Variants in ANKRD17 observed in about 807,000 individuals in gnomAD.
ANKRD17 encodes the protein ankyrin repeat domain 17, also known as ankyrin repeat domain-containing protein 17.
In ANKRD17, 19 loss-of-function variants were observed where a neutral mutation model predicts 229.7. That is an observed-to-expected ratio of 0.08 (90% CI 0.06 to 0.12). ANKRD17 has a LOEUF of 0.12. ANKRD17 is among the 10% of genes least tolerant of loss of function. The pLI is 1.00. For missense variants in ANKRD17, 2,176 were observed against 3,176.8 expected (o/e 0.68, Z 7.57); for synonymous variants, 1,112 against 1,146.1 (o/e 0.97, Z 0.60).
chr4:73,140,173 A>G lies in ANKRD17; in HGVS notation c.2443T>C (p.Leu815=), dbSNP rs1438924596. The G allele has an allele frequency of 3.1e-6, 5 of 1,613,888 alleles. No homozygotes were observed. In the African/African-American group the frequency reaches 6.7e-5, roughly 22 times the overall value. Reference sequence around the variant, plus strand: ...TTTATCCTCTGTTCCAGTTCTGTTAACTTTCCCTGAGCCTCTTCTACAATG... The same window carrying G: ...TTTATCCTCTGTTCCAGTTCTGTTAGCTTTCCCTGAGCCTCTTCTACAATG... ...ESIVEEAQGK[L]TELEQRIKEA... Residue 815 remains leucine (L), a synonymous_variant, in exon 15 of 34, where the codon TTA becomes CTA. Transcript: ENST00000358602.
chr4:73,080,280 C>T (rs1002753278), intron 30 of ANKRD17, among the ~76,000 whole-genome samples: 1 of 152,114 alleles, frequency 6.6e-6, no homozygotes, highest in Non-Finnish European at 1.5e-5. Flanking sequence ...AGACCTATAG[C>T]ATTCCTGTTG....
chr4:73,078,100 G>A (rs889685401), intron 31 of ANKRD17, among the ~76,000 whole-genome samples: 12 of 151,918 alleles, frequency 7.9e-5, no homozygotes, highest in African/African-American at 2.2e-4. Context: ...AAATACAGGC[G>A]GGGCACAGTG....
chr4:73,119,726 A>G (rs1726459205), intron 21 of ANKRD17, among the ~76,000 whole-genome samples: 1 of 152,238 alleles, frequency 6.6e-6, no homozygotes, highest in African/African-American at 2.4e-5. Context: ...CGTGACTGAA[A>G]GTAGAAAGTA....
intron 15 of ANKRD17, among the ~76,000 whole-genome samples, chr4:73,138,897 A>C (rs1729252700): frequency 6.6e-6 from 1 of 152,168 alleles, no homozygotes; most frequent in Non-Finnish European, 1.5e-5. Context: ...ATCTAAAAAT[A>C]TATCATTTAT....
intron 5 of ANKRD17, 48 bp from the exon 6 acceptor site, chr4:73,154,161 ATAAAT>A (rs753186371): frequency 8.9e-6 from 12 of 1,354,818 alleles, no homozygotes; most frequent in South Asian, 5.0e-5. Flanking sequence ...AAATACCAAA[ATAAAT>A]TAAAGTGCTA....
At chr4:73,228,962 G>A (rs943568771) in intron 1 of ANKRD17, among the ~76,000 whole-genome samples, 1 of 152,200 alleles carries the variant, frequency 6.6e-6, no homozygotes, top group African/African-American at 2.4e-5. Context: ...CATAAAAAAG[G>A]ATGAGTTCAT....
chr4:73,097,999 C>G, intron 26 of ANKRD17, 74 bp downstream of exon 26: 1 of 1,420,248 alleles, frequency 7.0e-7, no homozygotes, highest in Non-Finnish European at 9.5e-7. Flanking sequence ...AATTTACTTT[C>G]TTTACCAACA....
intron 1 of ANKRD17, among the ~76,000 whole-genome samples, chr4:73,182,235 T>G (rs1015015434): frequency 2.0e-5 from 3 of 152,038 alleles, no homozygotes; most frequent in Non-Finnish European, 4.4e-5. Flanking sequence ...ACAACTGGCC[T>G]TTTTTAAAAG....
intron 16 of ANKRD17, among the ~76,000 whole-genome samples, chr4:73,134,697 AGAT>A (rs1440631220): frequency 2.0e-5 from 3 of 152,226 alleles, no homozygotes; most frequent in Non-Finnish European, 4.4e-5. Flanking sequence ...GAATTTTCAA[AGAT>A]GATATATGAT....
At chr4:73,254,186 C>G (rs1413375085) in intron 1 of ANKRD17, among the ~76,000 whole-genome samples, 1 of 152,186 alleles carries the variant, frequency 6.6e-6, no homozygotes, top group African/African-American at 2.4e-5. Context: ...CCAAATGAAG[C>G]TGAACACAGC....
chr4:73,097,950 T>A, intron 26 of ANKRD17, 123 bp downstream of exon 26: 2 of 819,572 alleles, frequency 2.4e-6, no homozygotes, highest in South Asian at 2.0e-5. Flanking sequence ...AAACAGTACC[T>A]TCTTTAGCAC....
chr4:73,158,152 A>AAAAGAAAGAAAGAAAGACAGAAAG (rs1731961747), intron 3 of ANKRD17, among the ~76,000 whole-genome samples: 1 of 128,708 alleles, frequency 7.8e-6, no homozygotes, highest in South Asian at 2.8e-4. Flanking sequence ...GAAAGGAAGA[A>AAAAGAAAGAAAGAAAGACAGAAAG]AAAGAAAGAA....
In ANKRD17 at chr4:73,258,349, C is replaced by A; in HGVS notation, c.320G>T (p.Gly107Val). 1 of 1,612,268 alleles carries A rather than the reference C, an allele frequency of 6.2e-7. No individual in the cohort carries two copies. Among genetic ancestry groups the A allele is most frequent in the Non-Finnish European group, 8.5e-7 (1 of 1,179,466 alleles). Reference sequence around the variant, plus strand: ...GTTGTTACTGCTGGTGCCGCCGCCGCCACCTCCGCCTCCACCGCCGCCTCC... The same window carrying A: ...GTTGTTACTGCTGGTGCCGCCGCCGACACCTCCGCCTCCACCGCCGCCTCC... ...GGGGGGGGGG[G>V]GGGTSSNNSE... Residue 107 changes from glycine (G) to valine (V), a missense_variant, in exon 1 of 34, where the codon GGC becomes GTC. Coordinates refer to ENST00000358602, the MANE Select transcript of ANKRD17 (RefSeq NM_032217.5).
intron 1 of ANKRD17, among the ~76,000 whole-genome samples, chr4:73,230,115 C>T (rs2149237611): frequency 6.6e-6 from 1 of 152,050 alleles, no homozygotes; most frequent in African/African-American, 2.4e-5. Context: ...AAGCCTTCAC[C>T]AGAACTGCCA....
chr4:73,218,949 T>C (rs1741482156), intron 1 of ANKRD17, among the ~76,000 whole-genome samples: 1 of 152,086 alleles, frequency 6.6e-6, no homozygotes, highest in African/African-American at 2.4e-5. Flanking sequence ...TAATCCCAGC[T>C]ACTCGGGAGG....
chr4:73,104,883 G>A (rs1724430343), intron 24 of ANKRD17, among the ~76,000 whole-genome samples: 1 of 152,176 alleles, frequency 6.6e-6, no homozygotes, highest in Admixed American at 6.5e-5. Context: ...GTCATAGGGT[G>A]TGGCTGGGTC....
At chr4:73,146,365 TTTA>T (rs955196116) in intron 10 of ANKRD17, among the ~76,000 whole-genome samples, 4 of 152,180 alleles carry the variant, frequency 2.6e-5, no homozygotes, top group African/African-American at 9.6e-5. Context: ...TTTAAACTCT[TTTA>T]TTATTTAATA....
intron 17 of ANKRD17, 35 bp from the exon 18 acceptor site, chr4:73,125,093 A>G: frequency 6.2e-7 from 1 of 1,608,962 alleles, no homozygotes; most frequent in Non-Finnish European, 8.5e-7. Flanking sequence ...ACTACATGCT[A>G]AGGCAAAAGA....
chr4:73,196,004 CTTTT>C (rs752128086), intron 1 of ANKRD17, among the ~76,000 whole-genome samples: 3 of 124,578 alleles, frequency 2.4e-5, no homozygotes, highest in African/African-American at 9.0e-5. Flanking sequence ...AACCATGTTT[CTTTT>C]TTTTTTTTTT....
Sources: allele counts gnomAD v4.1 joint callset (sites outside exome capture counted in the v4.1 genomes callset), GRCh38; gene constraint gnomAD v4.1.1; transcripts MANE v1.5; gene names NCBI Gene and HGNC (gene_info 2026-07-23, HGNC 2026-07-21).